ITGA4: variants seen among roughly 807,000 people sequenced by gnomAD.
The protein encoded by ITGA4 is integrin alpha-4.
Under a neutral mutation model 133.6 loss-of-function variants are expected in ITGA4, and 63 were observed. The ratio of observed to expected loss-of-function variants is 0.47; its 90% CI spans 0.38 to 0.58. The LOEUF (loss-of-function observed/expected upper bound fraction) is 0.58. ITGA4 is among the 20% of genes least tolerant of loss of function. The pLI is 0.00. For synonymous variants in ITGA4, 483 were observed against 438.0 expected, an observed-to-expected ratio of 1.10 and a Z score of -1.28; for missense variants, 1,076 against 1,252.7, an observed-to-expected ratio of 0.86 and a Z score of 2.13.
intron 6 of ITGA4, among the ~76,000 whole-genome samples, chr2:181,481,246 TATTTAAA>T (rs1226980373): frequency 6.6e-6 from 1 of 152,194 alleles, no homozygotes; most frequent in Non-Finnish European, 1.5e-5. Flanking sequence ...GCAAGATGTT[TATTTAAA>T]GTTTAAAGTT....
At chr2:181,479,860 C>T (rs770899430) in intron 5 of ITGA4, 26 of 195,208 alleles carry the variant, frequency 1.3e-4, no homozygotes, top group Middle Eastern at 3.7e-3. Context: ...AAAGCTTACT[C>T]TAGCGTTCAG....
chr2:181,531,723 AAAG>A lies in ITGA4; in HGVS notation c.2735_2737del (p.Glu912del). The A allele has an allele frequency of 1.9e-6, 3 of 1,609,004 alleles. No homozygotes were observed. The highest frequency in any genetic ancestry group is 2.5e-6 in the Non-Finnish European group (3 of 1,176,810). On this transcript the variant is annotated inframe_deletion, in exon 25 of 28. Transcript: ENST00000397033. Reference sequence around the variant, plus strand: ...TAATTTTGGGAAAATGGAAAGTGGAAAAGAAGCCAGTGTTCATATCCAACTGGA... The same window carrying A: ...TAATTTTGGGAAAATGGAAAGTGGAAAAGCCAGTGTTCATATCCAACTGGA...
intron 15 of ITGA4, among the ~76,000 whole-genome samples, chr2:181,502,171 A>G (rs1686287340): frequency 6.6e-6 from 1 of 151,936 alleles, no homozygotes; most frequent in Non-Finnish European, 1.5e-5. Context: ...AAAACTCAAC[A>G]TTGGATTTAT....
Position 181,535,636 on chromosome 2 carries a change from C to T in ITGA4, c.*109C>T, listed in dbSNP as rs1210897254. ...GAATTTTGTTTGGACTTCTTTTACT[C>T]ATGATCTTGTGACATATTATGTCTT... is the stretch of plus-strand genomic sequence containing the variant. On this transcript the variant is annotated 3_prime_UTR_variant, in exon 28 of 28. Coordinates refer to ENST00000397033, the MANE Select transcript of ITGA4 (RefSeq NM_000885.6). The T allele has an allele frequency of 1.1e-5, 15 of 1,382,910 alleles. 1 individual carries two copies. Among genetic ancestry groups the T allele is most frequent in the African/African-American group, 1.4e-5 (1 of 69,320 alleles). 85.7% of individuals were successfully genotyped at this position (1,382,910 alleles called of 1,614,324 possible). A position where few individuals can be genotyped will look rare whatever the true frequency, so the allele number is the denominator to read the frequency against.
At chr2:181,521,251 T>C (rs1381729434) in intron 17 of ITGA4, among the ~76,000 whole-genome samples, 2 of 152,168 alleles carry the variant, frequency 1.3e-5, no homozygotes, top group East Asian at 3.9e-4. Flanking sequence ...TTGGAAAGTT[T>C]TCCTTAGCAC....
intron 17 of ITGA4, among the ~76,000 whole-genome samples, chr2:181,521,188 G>T (rs62191452): frequency 0.059 from 8,915 of 152,066 alleles, 381 homozygotes; most frequent in Non-Finnish European, 0.09. Context: ...TAAATTACTA[G>T]ATATCTAAGA....
chr2:181,531,835 T>A, intron 25 of ITGA4, 59 bp downstream of exon 25: 1 of 1,319,750 alleles, frequency 7.6e-7, no homozygotes, highest in Non-Finnish European at 1.0e-6. Flanking sequence ...ATCTATAAAT[T>A]CAGTCATATA....
intron 9 of ITGA4, among the ~76,000 whole-genome samples, chr2:181,484,782 G>GAAGAAGTGAT (rs1160722763): frequency 6.6e-6 from 1 of 152,170 alleles, no homozygotes; most frequent in Non-Finnish European, 1.5e-5. Context: ...ATACAAAGTG[G>GAAGAAGTGAT]AAGAAGTGAT....
intron 14 of ITGA4, among the ~76,000 whole-genome samples, chr2:181,496,648 G>A (rs1686164459): frequency 6.6e-6 from 1 of 152,126 alleles, no homozygotes; most frequent in African/African-American, 2.4e-5. Context: ...CCCAAATCAT[G>A]TATATATGAC....
chr2:181,464,191 G>C (rs1263723192), intron 2 of ITGA4, among the ~76,000 whole-genome samples: 1 of 152,124 alleles, frequency 6.6e-6, no homozygotes, highest in Non-Finnish European at 1.5e-5. Context: ...GAGAAGAGGT[G>C]AGTAGTTGGC....
chr2:181,520,724 T>A (rs1342523550), intron 17 of ITGA4, among the ~76,000 whole-genome samples: 1 of 152,128 alleles, frequency 6.6e-6, no homozygotes, highest in Admixed American at 6.6e-5. Context: ...TCACAACACT[T>A]GCCCGTTTGT....
At chr2:181,482,275 A>G in intron 7 of ITGA4, 85 bp from the exon 8 acceptor site, 3 of 1,333,598 alleles carry the variant, frequency 2.2e-6, no homozygotes, top group Non-Finnish European at 3.0e-6. Context: ...AGTTGTAAAA[A>G]TTCATGTTTT....
chr2:181,484,160 G>C (rs1252428721), intron 9 of ITGA4, among the ~76,000 whole-genome samples: 1 of 152,152 alleles, frequency 6.6e-6, no homozygotes, highest in Non-Finnish European at 1.5e-5. Flanking sequence ...CTGTAGTATA[G>C]ATGCCTTGTG....
intron 16 of ITGA4, among the ~76,000 whole-genome samples, chr2:181,510,263 T>C (rs759478100): frequency 6.6e-6 from 1 of 152,166 alleles, no homozygotes; most frequent in Non-Finnish European, 1.5e-5. Flanking sequence ...TACAGACACA[T>C]GTATTTATGT....
In ITGA4 at chr2:181,527,399, T is replaced by G; in HGVS notation, c.2430+12T>G. On this transcript the variant is annotated intron_variant, in intron 22 of 27. Coordinates refer to ENST00000397033, the MANE Select transcript of ITGA4 (RefSeq NM_000885.6). Reference sequence around the variant, plus strand: ...ACTTAACTTTCCATGTAAGAAAAGTTAATTGTGTTAATATTTGTAACAACC... The same window carrying G: ...ACTTAACTTTCCATGTAAGAAAAGTGAATTGTGTTAATATTTGTAACAACC... 6.5e-7 allele frequency: 1 copy of G among 1,533,206 alleles called. No individual in the cohort carries two copies. 95.0% of individuals were successfully genotyped at this position (1,533,206 alleles called of 1,614,324 possible).
chr2:181,534,835 A>G lies in ITGA4; in HGVS notation c.2903A>G (p.His968Arg), dbSNP rs1433508922. The G allele has an allele frequency of 6.3e-7, 1 of 1,597,276 alleles. No individual in the cohort carries two copies. The highest frequency in any genetic ancestry group is 1.2e-5 in the South Asian group (1 of 86,552). The change falls in exon 27 of 28, where the codon CAT (histidine) becomes CGT (arginine). Residue 968 changes from histidine to arginine, a missense_variant. Physicochemically the swap from His to Arg is conservative, Grantham distance 29 (BLOSUM62 0). Coordinates refer to ENST00000397033, the MANE Select transcript of ITGA4 (RefSeq NM_000885.6). ...NVAHVLLEGLHHQRPKRYFTI... is the reference protein window; with the variant it reads ...NVAHVLLEGLRHQRPKRYFTI... ...ACGTAGGTTCTACTGGAAGGACTAC[A>G]TCATCAAAGACCCAAACGTTATTTC...
rs1559053531 is a variant in ITGA4 at position 181,516,238 on chromosome 2, G to A, written c.1922+4463G>A. Among the ~76,000 whole-genome samples the A allele has an allele frequency of 6.6e-6, 1 of 152,092 alleles. No individual in the cohort carries two copies. The highest frequency in any genetic ancestry group is 2.1e-4 in the South Asian group (1 of 4,826). On this transcript the variant is annotated intron_variant, in intron 17 of 27. Transcript: ENST00000397033. This position sits in a 1 kb window ranked among gnomAD's most constrained non-coding sequence, Gnocchi z 4.0. ...CAGTTGTGCTTCCAGAATGAGTGAT[G>A]TAAGCTTTCCCTGAACAATTGCTTC... is the stretch of plus-strand genomic sequence containing the variant.
intron 2 of ITGA4, among the ~76,000 whole-genome samples, chr2:181,473,290 G>A (rs1295103838): frequency 2.0e-5 from 3 of 152,188 alleles, no homozygotes; most frequent in Non-Finnish European, 4.4e-5. Context: ...TCGTAGGAGT[G>A]CAAACCCTAT....
Position 181,527,286 on chromosome 2 carries a change from G to GT in ITGA4, c.2340-6dup. ...AAGACAGTTAATTAAATTTGAATTT[G>GT]TTTTTACCAGGTTTGTAAACCCAAC... On this transcript the variant is annotated splice_polypyrimidine_tract_variant and intron_variant, in intron 21 of 27. Transcript: ENST00000397033. 1 of 1,540,354 alleles carries GT rather than the reference G, an allele frequency of 6.5e-7. No individual in the cohort carries two copies. Among genetic ancestry groups the GT allele is most frequent in the Non-Finnish European group, 9.0e-7 (1 of 1,113,794 alleles).
Sources: allele counts gnomAD v4.1 joint callset (sites outside exome capture counted in the v4.1 genomes callset), GRCh38; gene constraint gnomAD v4.1.1; non-coding constraint Gnocchi (gnomAD v3.1); transcripts MANE v1.5; gene names NCBI Gene and HGNC (gene_info 2026-07-23, HGNC 2026-07-21).